CLSTN2: variants seen among roughly 807,000 people sequenced by gnomAD.
CLSTN2 encodes calsyntenin 2, also known as calsyntenin-2.
CLSTN2 carries 48 observed loss-of-function variants against 101.2 expected under a neutral mutation model. That is an observed-to-expected ratio of 0.47 (90% CI 0.38 to 0.60). The LOEUF (loss-of-function observed/expected upper bound fraction) is 0.60. Among genes scored for constraint, CLSTN2 ranks in the 20% least tolerant of loss-of-function variants. CLSTN2 has a pLI of 0.00. For synonymous variants in CLSTN2, 481 were observed against 463.6 expected, an observed-to-expected ratio of 1.04 and a Z score of -0.48; for missense variants, 1,160 against 1,238.2, an observed-to-expected ratio of 0.94 and a Z score of 0.95.
chr3:139,956,517 T>C (rs1294857466), intron 1 of CLSTN2, among the ~76,000 whole-genome samples: 1 of 152,174 alleles, frequency 6.6e-6, no homozygotes, highest in East Asian at 1.9e-4. Context: ...GGAAATTTTG[T>C]TCTAGTTTAT....
At chr3:140,298,610 G>C (rs530024762) in intron 2 of CLSTN2, among the ~76,000 whole-genome samples, 1 of 152,190 alleles carries the variant, frequency 6.6e-6, no homozygotes, top group South Asian at 2.1e-4. Flanking sequence ...AAGCCCAGGA[G>C]GGGAGGTAAC....
intron 1 of CLSTN2, among the ~76,000 whole-genome samples, chr3:139,975,150 C>G (rs1214011294): frequency 3.9e-5 from 6 of 152,172 alleles, no homozygotes; most frequent in African/African-American, 1.2e-4. Context: ...TAACCTCCAC[C>G]CTGGGCCTTG....
At chr3:140,447,565 T>G (rs989163975) in intron 5 of CLSTN2, among the ~76,000 whole-genome samples, 3 of 152,260 alleles carry the variant, frequency 2.0e-5, no homozygotes, top group African/African-American at 7.2e-5. Context: ...GCTTTATCAT[T>G]TCCACATTAT....
chr3:140,130,960 T>G lies in CLSTN2; in HGVS notation c.110-44991T>G, dbSNP rs573406066. The stretch of plus-strand genomic sequence containing the variant: ...TTGCTTCTCTTTGATTTCATTGGAC[T>G]GAGTTTCTCCCCCTGGACCCCTTTC... On this transcript the variant is annotated intron_variant, in intron 1 of 16. Transcript: ENST00000458420. Among the ~76,000 whole-genome samples the G allele has an allele frequency of 5.9e-5, 9 of 152,232 alleles. No homozygotes were observed. The South Asian group carries it at 1.9e-3, about 32-fold the overall frequency.
intron 1 of CLSTN2, among the ~76,000 whole-genome samples, chr3:140,110,199 C>T (rs2009131119): frequency 6.6e-6 from 1 of 152,116 alleles, no homozygotes. Flanking sequence ...ATTTAGATGA[C>T]TCAGGGCTTC....
At chr3:140,448,497 C>G in intron 5 of CLSTN2, 22 bp from the exon 6 acceptor site, 2 of 1,591,882 alleles carry the variant, frequency 1.3e-6, no homozygotes, top group Non-Finnish European at 1.7e-6. Flanking sequence ...ATTCACTTTT[C>G]ATCCTTTCCT....
chr3:140,512,172 C>T (rs1934827225), intron 8 of CLSTN2, among the ~76,000 whole-genome samples: 1 of 152,066 alleles, frequency 6.6e-6, no homozygotes, highest in Non-Finnish European at 1.5e-5. Flanking sequence ...GCTTTTGTTT[C>T]AAAATTTTGC....
intron 2 of CLSTN2, among the ~76,000 whole-genome samples, chr3:140,310,278 C>G (rs1370758425): frequency 6.6e-6 from 1 of 151,968 alleles, no homozygotes; most frequent in Non-Finnish European, 1.5e-5. Context: ...GGCGCCCCCA[C>G]CGCACCCCCT....
chr3:139,955,435 C>A (rs1242806007), intron 1 of CLSTN2, among the ~76,000 whole-genome samples: 1 of 152,094 alleles, frequency 6.6e-6, no homozygotes, highest in African/African-American at 2.4e-5. Context: ...GCCTAACAAA[C>A]CCCTGCACAA....
At chr3:140,454,907 A>G (rs542038593) in intron 6 of CLSTN2, among the ~76,000 whole-genome samples, 1 of 152,368 alleles carries the variant, frequency 6.6e-6, no homozygotes, top group Admixed American at 6.5e-5. Context: ...TGTTGTGAAT[A>G]GAATACATTC....
At chr3:140,063,400 C>A (rs2008242460) in intron 1 of CLSTN2, among the ~76,000 whole-genome samples, 1 of 152,122 alleles carries the variant, frequency 6.6e-6, no homozygotes, top group South Asian at 2.1e-4. Context: ...CAGCTAGAAC[C>A]AAAATGATAA....
intron 1 of CLSTN2, among the ~76,000 whole-genome samples, chr3:140,125,695 G>A (rs939887770): frequency 2.6e-5 from 4 of 152,068 alleles, no homozygotes; most frequent in African/African-American, 9.7e-5. Flanking sequence ...TTGAGATTTG[G>A]GTTCAGCCAT....
intron 10 of CLSTN2, among the ~76,000 whole-genome samples, chr3:140,555,194 G>A (rs1935770844): frequency 1.3e-5 from 2 of 152,164 alleles, no homozygotes; most frequent in South Asian, 2.1e-4. Context: ...ACCATGAACT[G>A]GTTATTAAAT....
intron 8 of CLSTN2, among the ~76,000 whole-genome samples, chr3:140,497,448 C>G (rs1280586238): frequency 6.6e-6 from 1 of 152,158 alleles, no homozygotes; most frequent in Non-Finnish European, 1.5e-5. Context: ...GCTTCTTGAC[C>G]GAACCACCTG....
At chr3:140,355,560 C>T (rs576394592) in intron 2 of CLSTN2, among the ~76,000 whole-genome samples, 1 of 152,290 alleles carries the variant, frequency 6.6e-6, no homozygotes, top group African/African-American at 2.4e-5. Flanking sequence ...TGCTAAATTT[C>T]AGGGATGAAG....
chr3:140,312,926 G>C (rs186655099), intron 2 of CLSTN2, among the ~76,000 whole-genome samples: 1 of 152,318 alleles, frequency 6.6e-6, no homozygotes, highest in Non-Finnish European at 1.5e-5. Flanking sequence ...GTCTTCGACC[G>C]AATCCTGAAC....
chr3:139,947,354 T>A (rs894229967), intron 1 of CLSTN2, among the ~76,000 whole-genome samples: 1 of 152,220 alleles, frequency 6.6e-6, no homozygotes, highest in African/African-American at 2.4e-5. Flanking sequence ...TACTTATTGG[T>A]GCACATCTCT....
Position 140,564,091 on chromosome 3 carries a change from A to G in CLSTN2, c.2613A>G (p.Glu871=), listed in dbSNP as rs749646733. ...HFIQETEAAK[E]SEMDWDDSAL... ...TCCAGGAGACTGAGGCTGCCAAGGA[A>G]TCTGAGATGGACTGGGACGATTCTG... is the stretch of plus-strand genomic sequence containing the variant. The change falls in exon 16 of 17, where the codon GAA becomes GAG. Residue 871 remains glutamate, a synonymous_variant. Transcript: ENST00000458420. 1.9e-6 allele frequency: 3 copies of G among 1,613,978 alleles called. No individual in the cohort carries two copies. Among genetic ancestry groups the G allele is most frequent in the Non-Finnish European group, 2.5e-6 (3 of 1,180,008 alleles).
chr3:140,566,358 G>T lies in CLSTN2; in HGVS notation c.*105G>T, dbSNP rs189614832. ...ACCTCTGATGTCTGTGACATGTCTG[G>T]GAAGGCCTTCTCCAGCTTCCTGGAG... On this transcript the variant is annotated 3_prime_UTR_variant, in exon 17 of 17. Transcript: ENST00000458420. The T allele has an allele frequency of 8.3e-7, 1 of 1,198,776 alleles. No individual in the cohort carries two copies. The highest frequency in any genetic ancestry group is 2.6e-5 in the East Asian group (1 of 39,152). 74.3% of individuals were successfully genotyped at this position (1,198,776 alleles called of 1,614,324 possible).
Sources: allele counts gnomAD v4.1 joint callset (sites outside exome capture counted in the v4.1 genomes callset), GRCh38; gene constraint gnomAD v4.1.1; transcripts MANE v1.5; gene names NCBI Gene and HGNC (gene_info 2026-07-23, HGNC 2026-07-21).